TASP1: variants seen among roughly 807,000 people sequenced by gnomAD.
The protein encoded by TASP1 is threonine aspartase 1.
Under a neutral mutation model 56.6 loss-of-function variants are expected in TASP1, and 16 were observed. That is an observed-to-expected ratio of 0.28 (90% CI 0.19 to 0.43). The LOEUF (loss-of-function observed/expected upper bound fraction) is 0.43, where lower values mean the gene tolerates loss of function less well. Among genes scored for constraint, TASP1 ranks in the 20% least tolerant of loss-of-function variants. The pLI, the probability that TASP1 is intolerant of heterozygous loss-of-function variation, is 1.00. For synonymous variants in TASP1, 179 were observed against 184.2 expected (o/e 0.97, Z 0.23); for missense variants, 393 against 511.6 (o/e 0.77, Z 2.24).
chr20:13,582,195 G>C (rs1174431957), intron 5 of TASP1, among the ~76,000 whole-genome samples: 2 of 150,974 alleles, frequency 1.3e-5, no homozygotes, highest in East Asian at 3.9e-4. Flanking sequence ...TTCTAGATGT[G>C]ATGATTCAAT....
chr20:13,508,536 C>A (rs951603767), intron 10 of TASP1, among the ~76,000 whole-genome samples: 5 of 151,976 alleles, frequency 3.3e-5, no homozygotes, highest in African/African-American at 1.2e-4. Flanking sequence ...CTCCGAAATT[C>A]AAAAAACTTC....
intron 11 of TASP1, among the ~76,000 whole-genome samples, chr20:13,475,187 T>C (rs1346326825): frequency 6.6e-6 from 1 of 152,206 alleles, no homozygotes; most frequent in African/African-American, 2.4e-5. Flanking sequence ...AGTTTTAATA[T>C]ATATGTATGT....
the TASP1 span, among the ~76,000 whole-genome samples, chr20:13,259,779 G>A: frequency 1.3e-5 from 2 of 152,168 alleles, no homozygotes; most frequent in Non-Finnish European, 2.9e-5. Flanking sequence ...GAAATAATAA[G>A]CCAAGTGAAG....
the TASP1 span, among the ~76,000 whole-genome samples, chr20:13,343,566 C>G: frequency 6.2e-5 from 9 of 144,608 alleles, no homozygotes; most frequent in African/African-American, 1.3e-4. Context: ...TGGGGCCGCC[C>G]CACCCCCGCC....
intron 13 of TASP1, among the ~76,000 whole-genome samples, chr20:13,405,084 C>G (rs186813149): frequency 9.9e-5 from 15 of 152,236 alleles, no homozygotes; most frequent in African/African-American, 2.6e-4. Context: ...CAATCCTCAC[C>G]TAATTTTAGA....
the TASP1 span, among the ~76,000 whole-genome samples, chr20:13,268,158 TCCCTTCTCTC>T: frequency 6.8e-6 from 1 of 146,990 alleles, no homozygotes; most frequent in Non-Finnish European, 1.5e-5. Flanking sequence ...TCTCTTCCCT[TCCCTTCTCTC>T]CTCTCCTCTC....
chr20:13,413,552 T>C lies in TASP1; in HGVS notation c.1170+3896A>G, dbSNP rs117872324. On this transcript the variant is annotated intron_variant, in intron 13 of 13. Transcript: ENST00000337743. ...GTTATCTGAATTTTGGTCATTCTAG[T>C]CAGGAATTCAAAATGAGAAAAAGGC... Among the ~76,000 whole-genome samples, 680 of 152,204 alleles carry C rather than the reference T, an allele frequency of 4.5e-3. 3 individuals carry two copies. Among genetic ancestry groups the C allele is most frequent in the East Asian group, 0.01 (53 of 5,182 alleles).
chr20:13,398,430 G>T (rs1418672778), intron 13 of TASP1, among the ~76,000 whole-genome samples: 1 of 151,580 alleles, frequency 6.6e-6, no homozygotes, highest in Non-Finnish European at 1.5e-5. Context: ...CAAGTGTATT[G>T]CTCCACCTTG....
At chr20:13,566,994 C>G (rs2046552806) in intron 7 of TASP1, among the ~76,000 whole-genome samples, 1 of 152,146 alleles carries the variant, frequency 6.6e-6, no homozygotes, top group African/African-American at 2.4e-5. Context: ...CACTGCAGCA[C>G]TATTCACAAC....
chr20:13,458,033 A>G (rs1435524388), intron 11 of TASP1, among the ~76,000 whole-genome samples: 1 of 152,218 alleles, frequency 6.6e-6, no homozygotes, highest in Admixed American at 6.5e-5. Context: ...CATTGTCACC[A>G]AAAGAGTACT....
chr20:13,514,667 T>C (rs191548934), intron 10 of TASP1, among the ~76,000 whole-genome samples: 2 of 152,308 alleles, frequency 1.3e-5, no homozygotes, highest in Admixed American at 1.3e-4. Flanking sequence ...ATTTCTTCAA[T>C]ATCCAACTGA....
At chr20:13,491,296 T>G (rs941923136) in intron 10 of TASP1, among the ~76,000 whole-genome samples, 3 of 152,178 alleles carry the variant, frequency 2.0e-5, no homozygotes, top group Non-Finnish European at 2.9e-5. Context: ...CCTTTTATTT[T>G]CCCCAGTATC....
the TASP1 span, among the ~76,000 whole-genome samples, chr20:13,373,190 TA>T: frequency 6.6e-6 from 1 of 152,204 alleles, no homozygotes; most frequent in East Asian, 1.9e-4. Flanking sequence ...CCATCTCCTT[TA>T]AGTGGTTGTT....
intron 4 of TASP1, among the ~76,000 whole-genome samples, chr20:13,602,272 G>A (rs1363756657): frequency 6.6e-6 from 1 of 151,944 alleles, no homozygotes; most frequent in African/African-American, 2.4e-5. Flanking sequence ...CCTCAAACAG[G>A]TTATGGTCAC....
intron 11 of TASP1, among the ~76,000 whole-genome samples, chr20:13,472,270 T>C (rs1367047702): frequency 6.6e-6 from 1 of 150,976 alleles, no homozygotes; most frequent in Non-Finnish European, 1.5e-5. Context: ...CTGGGAAAAC[T>C]GGCTAGCCTT....
chr20:13,498,645 G>C (rs750381416), intron 10 of TASP1, among the ~76,000 whole-genome samples: 64 of 150,706 alleles, frequency 4.2e-4, no homozygotes, highest in Non-Finnish European at 4.7e-4. Flanking sequence ...TGCCCAGCCT[G>C]AACAAACACT....
At chr20:13,224,163 G>A in the TASP1 span, among the ~76,000 whole-genome samples, 4 of 152,032 alleles carry the variant, frequency 2.6e-5, no homozygotes, top group African/African-American at 7.3e-5. Flanking sequence ...AATAGTGTTC[G>A]GTGAGACTGT....
intron 7 of TASP1, 83 bp downstream of exon 7, chr20:13,569,424 A>T: frequency 9.6e-7 from 1 of 1,036,764 alleles, no homozygotes; most frequent in South Asian, 1.5e-5. Flanking sequence ...AAATATCTGT[A>T]CTACATGGGT....
At chr20:13,336,649 T>C in the TASP1 span, among the ~76,000 whole-genome samples, 6 of 152,238 alleles carry the variant, frequency 3.9e-5, no homozygotes, top group Admixed American at 3.9e-4. Flanking sequence ...GCTTTTTTCC[T>C]GTTCTTTGTA....
Sources: gnomAD v4.1 joint callset for allele counts (sites outside exome capture counted in the v4.1 genomes callset) on GRCh38, gnomAD v4.1.1 for gene constraint, MANE v1.5 for transcripts, NCBI Gene and HGNC (gene_info 2026-07-23, HGNC 2026-07-21) for gene names.